Variants in EPM2A observed in about 807,000 individuals in gnomAD.
The protein encoded by EPM2A is laforin.
EPM2A carries 21 observed loss-of-function variants against 26.5 expected under a neutral mutation model. That is an observed-to-expected ratio of 0.79 (90% CI 0.56 to 1.14). EPM2A has a LOEUF of 1.14. Ranked by LOEUF, EPM2A falls within the 50% of genes most tolerant of loss-of-function variation. EPM2A has a pLI of 0.00. For missense variants in EPM2A, 458 were observed against 440.8 expected (o/e 1.04, Z -0.35); for synonymous variants, 217 against 177.6 (o/e 1.22, Z -1.76).
chr6:145,390,563 T>TTCTCTCTCTCTC (rs61299104), intron 4 of EPM2A, among the ~76,000 whole-genome samples: 25,966 of 148,356 alleles, frequency 0.18, 2,802 homozygotes, highest in Non-Finnish European at 0.23. Flanking sequence ...TGCATGCACA[T>TTCTCTCTCTCTC]TCTCTCTCTC....
At chr6:145,710,193 G>A (rs1484305400) in intron 1 of EPM2A, among the ~76,000 whole-genome samples, 1 of 151,876 alleles carries the variant, frequency 6.6e-6, no homozygotes, top group Non-Finnish European at 1.5e-5. Context: ...CTACAGAATG[G>A]GAGAAAATTT....
intron 4 of EPM2A, among the ~76,000 whole-genome samples, chr6:145,391,020 A>G (rs540756193): frequency 6.6e-6 from 1 of 152,210 alleles, no homozygotes; most frequent in African/African-American, 2.4e-5. Flanking sequence ...ACAGCCTGAG[A>G]TGGAAATGAG....
intron 4 of EPM2A, among the ~76,000 whole-genome samples, chr6:145,464,633 G>A (rs1211466907): frequency 1.3e-5 from 2 of 151,850 alleles, no homozygotes; most frequent in East Asian, 1.9e-4. Flanking sequence ...ATAATTTATG[G>A]TCCCTATGAA....
chr6:145,653,361 G>C (rs1778030533), intron 2 of EPM2A, among the ~76,000 whole-genome samples: 1 of 152,164 alleles, frequency 6.6e-6, no homozygotes, highest in Non-Finnish European at 1.5e-5. Context: ...AGACATGCCT[G>C]CTTTGCCTTC....
chr6:145,711,319 C>A (rs952695576), intron 1 of EPM2A, among the ~76,000 whole-genome samples: 5 of 152,180 alleles, frequency 3.3e-5, no homozygotes, highest in African/African-American at 1.2e-4. Flanking sequence ...GCTTGTAATA[C>A]AGACAGCCCA....
intron 1 of EPM2A, among the ~76,000 whole-genome samples, chr6:145,696,782 T>TGA (rs1387460206): frequency 1.1e-4 from 6 of 55,190 alleles, no homozygotes; most frequent in Non-Finnish European, 1.9e-4. Flanking sequence ...GGTATGTGTG[T>TGA]GTGTGTGTGT....
chr6:145,534,230 G>A (rs1362698231), intron 2 of EPM2A, among the ~76,000 whole-genome samples: 5 of 152,056 alleles, frequency 3.3e-5, no homozygotes, highest in African/African-American at 1.2e-4. Flanking sequence ...GGCTGTCAGG[G>A]TACTTCAGCG....
At position 145,627,524 on chromosome 6, in the gene EPM2A, G is replaced by A; in HGVS notation, c.888C>T (p.Leu296=). Residue 296 remains leucine, a synonymous_variant, in exon 4 of 4, where the codon CTC becomes CTT. Transcript: ENST00000367519. ...TGTAGACAGCCGGCCTCTTGGCCAT[G>A]AGGAAATACTGCACCTTCCTCAGAT... ...GWNLRKVQYF[L]MAKRPAVYID... The A allele has an allele frequency of 1.2e-6, 2 of 1,614,260 alleles. No homozygotes were observed. The highest frequency in any genetic ancestry group is 1.7e-6 in the Non-Finnish European group (2 of 1,180,040).
chr6:145,514,814 A>C (rs1780102905), intron 2 of EPM2A, among the ~76,000 whole-genome samples: 1 of 152,222 alleles, frequency 6.6e-6, no homozygotes, highest in African/African-American at 2.4e-5. Context: ...AATAGTGCCA[A>C]GGTCCAGAAA....
rs559973561 is a variant in EPM2A, at chr6:145,530,812, T to C, written c.341-28237A>G. Among the ~76,000 whole-genome samples the C allele has an allele frequency of 9.2e-5, 14 of 152,276 alleles. No homozygotes were observed. The Middle Eastern group carries it at 0.01, about 111-fold the overall frequency. The stretch of plus-strand genomic sequence containing the variant: ...TATGGAAATAGAGACAAGGGAGTAA[T>C]TAATTCTTCTAGAAGGGGTTGGCAA... On this transcript the variant is annotated intron_variant, in intron 2 of 3. Transcript: ENST00000450221.
intron 4 of EPM2A, among the ~76,000 whole-genome samples, chr6:145,445,016 T>C (rs1226801047): frequency 6.6e-6 from 1 of 152,180 alleles, no homozygotes; most frequent in Non-Finnish European, 1.5e-5. Context: ...CTTAAACACC[T>C]GGAACAAAAG....
intron 2 of EPM2A, among the ~76,000 whole-genome samples, chr6:145,568,587 T>C (rs567562436): frequency 2.0e-5 from 3 of 152,246 alleles, no homozygotes; most frequent in Non-Finnish European, 4.4e-5. Flanking sequence ...CCTCCCAAAG[T>C]GCTAGGATTA....
chr6:145,407,828 A>G (rs1374299384), intron 4 of EPM2A, among the ~76,000 whole-genome samples: 1 of 152,186 alleles, frequency 6.6e-6, no homozygotes, highest in Non-Finnish European at 1.5e-5. Context: ...TAGATACACA[A>G]ATGATACTGT....
At chr6:145,699,212 TAGATA>T (rs1422843743) in intron 1 of EPM2A, among the ~76,000 whole-genome samples, 1 of 152,164 alleles carries the variant, frequency 6.6e-6, no homozygotes, top group Non-Finnish European at 1.5e-5. Flanking sequence ...TTCTGTTGAT[TAGATA>T]AAAGTTATAG....
chr6:145,462,615 T>C lies in EPM2A; in HGVS notation c.555+39907A>G, dbSNP rs146968863. Among the ~76,000 whole-genome samples the C allele has an allele frequency of 1.2e-3, 183 of 152,282 alleles. 1 individual carries two copies. The highest frequency in any genetic ancestry group is 4.1e-3 in the African/African-American group (169 of 41,580). ...TCAACTCAGCTATGACTCCCACAGA[T>C]GTCAGTTGGAATTCTTATTGAGGTG... On this transcript the variant is annotated intron_variant, in intron 4 of 4. Coordinates refer to the EPM2A transcript ENST00000638717.
chr6:145,522,180 C>A (rs146624449), intron 2 of EPM2A, among the ~76,000 whole-genome samples: 3,013 of 152,152 alleles, frequency 0.02, 42 homozygotes, highest in Admixed American at 0.04. Flanking sequence ...TCTCGATCTC[C>A]TGACTTCGTG....
intron 4 of EPM2A, among the ~76,000 whole-genome samples, chr6:145,487,224 C>T (rs1779689852): frequency 6.6e-6 from 1 of 152,148 alleles, no homozygotes; most frequent in African/African-American, 2.4e-5. Flanking sequence ...ACCACATTTT[C>T]TTTATCTAGT....
intron 2 of EPM2A, among the ~76,000 whole-genome samples, chr6:145,660,741 G>T (rs112716792): frequency 0.066 from 10,108 of 152,138 alleles, 1,129 homozygotes; most frequent in African/African-American, 0.23. Context: ...GGCGGAGGTT[G>T]CTGTGAGCCA....
At chr6:145,471,399 C>G (rs1351215057) in intron 4 of EPM2A, among the ~76,000 whole-genome samples, 1 of 151,952 alleles carries the variant, frequency 6.6e-6, no homozygotes, top group East Asian at 1.9e-4. Flanking sequence ...CTCACAAGGA[C>G]ACCAAGTTAA....
Sources: allele counts gnomAD v4.1 joint callset (sites outside exome capture counted in the v4.1 genomes callset), GRCh38; gene constraint gnomAD v4.1.1; transcripts MANE v1.5; gene names NCBI Gene and HGNC (gene_info 2026-07-23, HGNC 2026-07-21).